The following ADIPOQ variants were observed in gnomAD, a reference collection of about 807,000 sequenced individuals.
ADIPOQ encodes the protein adiponectin.
Under a neutral mutation model 16.1 loss-of-function variants are expected in ADIPOQ, and 19 were observed. The ratio of observed to expected loss-of-function variants is 1.18; its 90% confidence interval spans 0.82 to 1.73. The LOEUF (loss-of-function observed/expected upper bound fraction) is 1.73. Ranked by LOEUF, ADIPOQ falls within the 40% of genes most tolerant of loss-of-function variation. ADIPOQ has a pLI of 0.00. For synonymous variants in ADIPOQ, 124 were observed against 125.5 expected (o/e 0.99, Z 0.08); for missense variants, 323 against 308.3 (o/e 1.05, Z -0.36).
At chr3:186,847,401 TAAAAAGTAACA>T (rs1449057356) in intron 1 of ADIPOQ, among the ~76,000 whole-genome samples, 1 of 152,260 alleles carries the variant, frequency 6.6e-6, no homozygotes, top group East Asian at 1.9e-4. Flanking sequence ...CTTTGTTTTA[TAAAAAGTAACA>T]AAATTTGTTA....
intron 1 of ADIPOQ, among the ~76,000 whole-genome samples, chr3:186,850,236 C>T (rs1711703613): frequency 7.1e-6 from 1 of 140,344 alleles, no homozygotes; most frequent in Non-Finnish European, 1.5e-5. Flanking sequence ...TGCCACTGCA[C>T]TACAGCCTGG....
chr3:186,852,142 A>AT (rs1282001195), intron 1 of ADIPOQ: 1 of 152,344 alleles, frequency 6.6e-6, no homozygotes, highest in African/African-American at 2.4e-5. Flanking sequence ...TGCCTCCATG[A>AT]TTCAGTCACC....
chr3:186,844,840 G>A (rs1160875921), intron 1 of ADIPOQ, among the ~76,000 whole-genome samples: 1 of 152,168 alleles, frequency 6.6e-6, no homozygotes, highest in African/African-American at 2.4e-5. Context: ...TTTTTAAGGT[G>A]GCTGTAGGGA....
rs1195570562 is a variant in ADIPOQ at position 186,853,152 on chromosome 3, C to T, written c.94C>T (p.Pro32Ser). Reference protein sequence around the residue: ...TQGPGVLLPLPKGACTGWMAG... With the variant: ...TQGPGVLLPLSKGACTGWMAG... ...AGGGCCCGGAGTCCTGCTTCCCCTG[C>T]CCAAGGGGGCCTGCACAGGTTGGAT... Residue 32 changes from proline (P) to serine (S), a missense_variant, in exon 2 of 3, where the codon CCC becomes TCC. Transcript: ENST00000320741. The T allele has an allele frequency of 6.2e-7, 1 of 1,614,194 alleles. No homozygotes were observed. Among genetic ancestry groups the T allele is most frequent in the Admixed American group, 1.7e-5 (1 of 60,032 alleles).
chr3:186,845,793 G>C (rs1711561251), intron 1 of ADIPOQ, among the ~76,000 whole-genome samples: 1 of 152,314 alleles, frequency 6.6e-6, no homozygotes, highest in Non-Finnish European at 1.5e-5. Context: ...AGGGCTATGG[G>C]AAGATTAAGT....
At chr3:186,847,343 T>G (rs1711605083) in intron 1 of ADIPOQ, among the ~76,000 whole-genome samples, 1 of 152,242 alleles carries the variant, frequency 6.6e-6, no homozygotes, top group Non-Finnish European at 1.5e-5. Context: ...TTTAAAAATT[T>G]TTTAAAGTCC....
intron 1 of ADIPOQ, among the ~76,000 whole-genome samples, chr3:186,849,539 T>C (rs1360534628): frequency 6.6e-6 from 1 of 152,176 alleles, no homozygotes; most frequent in Non-Finnish European, 1.5e-5. Flanking sequence ...TCCTGAATTC[T>C]TCAAATTCAG....
At chr3:186,854,163 T>C (rs2108491910) in intron 2 of ADIPOQ, 21 bp from the exon 3 acceptor site, 1 of 1,610,702 alleles carries the variant, frequency 6.2e-7, no homozygotes, top group Non-Finnish European at 8.5e-7. Flanking sequence ...TTGTAGTCAC[T>C]GAGGTCTTCT....
At position 186,856,437 on chromosome 3, in the gene ADIPOQ, A is replaced by T. The variant is rs1294528726; in HGVS notation, c.*1733A>T. 2 of 152,216 alleles carry T rather than the reference A, an allele frequency of 1.3e-5. No homozygotes were observed. The highest frequency in any genetic ancestry group is 2.9e-5 in the Non-Finnish European group (2 of 68,050). The allele number at this position is 152,216 out of a possible 1,614,324, so 9.4% of individuals were successfully genotyped here. A position where few individuals can be genotyped will look rare whatever the true frequency, so the allele number is the denominator to read the frequency against. Reference sequence around the variant, plus strand: ...TTAAGGTATTATTTTTTCCACATATAAAGCTTTGTCTTTTTGTTGTTGTTG... The same window carrying T: ...TTAAGGTATTATTTTTTCCACATATTAAGCTTTGTCTTTTTGTTGTTGTTG... On this transcript the variant is annotated 3_prime_UTR_variant, in exon 3 of 3. Transcript: ENST00000320741.
At chr3:186,851,546 T>C (rs1711768240) in intron 1 of ADIPOQ, among the ~76,000 whole-genome samples, 1 of 152,168 alleles carries the variant, frequency 6.6e-6, no homozygotes, top group African/African-American at 2.4e-5. Context: ...CCTGTGCCAC[T>C]TGAGCTCTTT....
In ADIPOQ at chr3:186,854,668, C is replaced by A; in HGVS notation, c.699C>A (p.Thr233=). ...GLYADNDNDS[T]FTGFLLYHDT... ...ATGCTGATAATGACAATGACTCCAC[C>A]TTCACAGGCTTTCTTCTCTACCATG... Residue 233 remains threonine (T), a synonymous_variant, in exon 3 of 3, where the codon ACC becomes ACA. Transcript: ENST00000320741. 1 of 1,614,148 alleles carries A rather than the reference C, an allele frequency of 6.2e-7. No homozygotes were observed.
intron 1 of ADIPOQ, among the ~76,000 whole-genome samples, chr3:186,850,176 A>G (rs957229094): frequency 1.3e-5 from 2 of 150,140 alleles, no homozygotes; most frequent in African/African-American, 4.9e-5. Context: ...AGGCTAAGGC[A>G]TGAGAATCGC....
intron 2 of ADIPOQ, among the ~76,000 whole-genome samples, 187 bp downstream of exon 2, chr3:186,853,459 C>A (rs1303267146): frequency 1.3e-5 from 2 of 151,770 alleles, no homozygotes; most frequent in Non-Finnish European, 2.9e-5. Flanking sequence ...CCTCTATAAC[C>A]AAGACTTTGG....
chr3:186,844,946 A>G (rs1711541377), intron 1 of ADIPOQ, among the ~76,000 whole-genome samples: 2 of 152,126 alleles, frequency 1.3e-5, no homozygotes, highest in African/African-American at 4.8e-5. Context: ...AGATACTTTC[A>G]ATCAGGAATT....
At chr3:186,850,436 G>A (rs1453927917) in intron 1 of ADIPOQ, among the ~76,000 whole-genome samples, 2 of 152,086 alleles carry the variant, frequency 1.3e-5, no homozygotes, top group East Asian at 3.8e-4. Flanking sequence ...CTGGTTGGCA[G>A]TATAACATAT....
chr3:186,843,406 T>A (rs1711504324), intron 1 of ADIPOQ, among the ~76,000 whole-genome samples: 1 of 152,164 alleles, frequency 6.6e-6, no homozygotes, highest in Non-Finnish European at 1.5e-5. Context: ...ACACCTGTAA[T>A]CCCAGCAATT....
chr3:186,854,381 A>G lies in ADIPOQ; in HGVS notation c.412A>G (p.Asn138Asp), dbSNP rs753699174. The change falls in exon 3 of 3, where the codon AAT (asparagine) becomes GAT (aspartate). Residue 138 changes from asparagine (N) to aspartate (D), a missense_variant. Physicochemically the swap from Asn to Asp is conservative, Grantham distance 23 (BLOSUM62 1). Transcript: ENST00000320741. ...MPIRFTKIFY[N>D]QQNHYDGSTG... ...CATTCGCTTTACCAAGATCTTCTACAATCAGCAAAACCACTATGATGGCTC... is the reference window on the plus strand; with the variant it reads ...CATTCGCTTTACCAAGATCTTCTACGATCAGCAAAACCACTATGATGGCTC... 6.2e-7 allele frequency: 1 copy of G among 1,614,224 alleles called. No homozygotes were observed. Among genetic ancestry groups the G allele is most frequent in the African/African-American group, 1.3e-5 (1 of 75,046 alleles).
rs369971892 is a variant in ADIPOQ, at chr3:186,854,165, A to C, written c.215-19A>C. The C allele has an allele frequency of 5.0e-6, 8 of 1,610,580 alleles. No individual in the cohort carries two copies. Among genetic ancestry groups the C allele is most frequent in the Admixed American group, 3.4e-5 (2 of 59,642 alleles). ...GGAGTTCTGTTCTTTGTAGTCACTG[A>C]GGTCTTCTCATTCCTTAGGTCTTAT... is the stretch of plus-strand genomic sequence containing the variant. On this transcript the variant is annotated intron_variant, in intron 2 of 2. Transcript: ENST00000320741.
At chr3:186,846,273 TC>T (rs1458041329) in intron 1 of ADIPOQ, among the ~76,000 whole-genome samples, 1 of 150,594 alleles carries the variant, frequency 6.6e-6, no homozygotes, top group African/African-American at 2.4e-5. Context: ...TGAGACAGAG[TC>T]TTGCTCTGTC....
Sources: allele counts gnomAD v4.1 joint callset (sites outside exome capture counted in the v4.1 genomes callset), GRCh38; gene constraint gnomAD v4.1.1; transcripts MANE v1.5; gene names NCBI Gene and HGNC (gene_info 2026-07-23, HGNC 2026-07-21).